The following LRRC31 variants were observed in gnomAD, a reference collection of about 807,000 sequenced individuals.
The protein encoded by LRRC31 is leucine-rich repeat-containing protein 31.
In LRRC31, 35 loss-of-function variants were observed where a neutral mutation model predicts 46.7. The observed-to-expected ratio is 0.75, with a 90% CI of 0.57 to 0.99. The LOEUF (loss-of-function observed/expected upper bound fraction) is 0.99. Among genes scored for constraint, LRRC31 ranks in the 50% least tolerant of loss-of-function variants. The pLI is 0.00. For synonymous variants in LRRC31, 236 were observed against 235.1 expected, an observed-to-expected ratio of 1.00 and a Z score of -0.03; for missense variants, 613 against 626.1, an observed-to-expected ratio of 0.98 and a Z score of 0.22.
At chr3:169,844,282 A>G (rs576792118) in intron 8 of LRRC31, among the ~76,000 whole-genome samples, 2 of 152,346 alleles carry the variant, frequency 1.3e-5, no homozygotes, top group East Asian at 3.9e-4. Flanking sequence ...CTGATTTAAC[A>G]TTAAAAAATC....
intron 7 of LRRC31, among the ~76,000 whole-genome samples, chr3:169,851,370 G>A (rs1009648598): frequency 2.0e-5 from 3 of 152,146 alleles, no homozygotes; most frequent in East Asian, 3.9e-4. Flanking sequence ...CCAAGGTCGC[G>A]CCACTGCACT....
chr3:169,848,286 A>G lies in LRRC31; in HGVS notation c.1161T>C (p.Ala387=), dbSNP rs1326259615. 2 of 1,613,622 alleles carry G rather than the reference A, an allele frequency of 1.2e-6. No homozygotes were observed. The highest frequency in any genetic ancestry group is 1.7e-5 in the Admixed American group (1 of 59,986). Residue 387 remains alanine, a splice_region_variant and synonymous_variant, in exon 8 of 9, where the codon GCT becomes GCC. Coordinates refer to ENST00000316428, the MANE Select transcript of LRRC31 (RefSeq NM_024727.4). ...GAGCAGAGAGGTGAACAGAGGCTTC[A>G]GCTAAAAGTGATAACAATACGAACA... is the stretch of plus-strand genomic sequence containing the variant. ...ALESETFTAL[A]EASVHLSALE...
rs1199904007 is a variant in LRRC31, at chr3:169,854,838, TAGTG to T, written c.962_965del (p.Ser321Ter). The stretch of plus-strand genomic sequence containing the variant: ...TCAGTGACATCACGTCATCTGCTGT[TAGTG>T]AGCACTGGTGAAGATCTAGGACTTG... On this transcript the variant is annotated frameshift_variant, in exon 6 of 9. Transcript: ENST00000316428. LOFTEE classifies it high-confidence loss of function. 3.7e-6 allele frequency: 6 copies of T among 1,613,546 alleles called. No homozygotes were observed. The highest frequency in any genetic ancestry group is 1.1e-5 in the South Asian group (1 of 91,038).
rs750392683 is a variant in LRRC31 at position 169,840,228 on chromosome 3, G to C, written c.1413C>G (p.Thr471=). 60 of 1,613,946 alleles carry C rather than the reference G, an allele frequency of 3.7e-5. No individual in the cohort carries two copies. Among genetic ancestry groups the C allele is most frequent in the Non-Finnish European group, 4.9e-5 (58 of 1,180,024 alleles). Residue 471 remains threonine, a synonymous_variant, in exon 9 of 9, where the codon ACC becomes ACG. Transcript: ENST00000316428. The part of the protein sequence containing the change: ...YNDSICDAGW[T]MFCQNVRFLK... ...GGAACCGCACGTTTTGGCAGAACAT[G>C]GTCCACCCCGCATCACAGATGCTGT...
chr3:169,846,485 A>G (rs1353967440), intron 8 of LRRC31, among the ~76,000 whole-genome samples: 1 of 152,186 alleles, frequency 6.6e-6, no homozygotes, highest in African/African-American at 2.4e-5. Flanking sequence ...CCCCGTCTCT[A>G]CCAAAAATAC....
At position 169,851,743 on chromosome 3, in the gene LRRC31, T is replaced by G. The variant is rs1159257303; in HGVS notation, c.1035A>C (p.Leu345Phe). ...AACTGCCCATCTTTTTGTTGGCTGA[T>G]AAATCCAATTCTTGAAGATTTGAAA... Reference protein sequence around the residue: ...PLLSNLQELDLSANKKMGSSS... With the variant: ...PLLSNLQELDFSANKKMGSSS... The change falls in exon 7 of 9, where the codon TTA becomes TTC. Residue 345 changes from leucine (L) to phenylalanine (F), a missense_variant. Coordinates refer to ENST00000316428, the MANE Select transcript of LRRC31 (RefSeq NM_024727.4). The G allele has an allele frequency of 3.1e-6, 5 of 1,614,068 alleles. No individual in the cohort carries two copies. The highest frequency in any genetic ancestry group is 3.3e-5 in the Admixed American group (2 of 60,002).
rs185512731 is a variant in LRRC31, at chr3:169,861,862, A to G, written c.176-49T>C. ...ATTTGCTGTTAATGATGGATGTATTAAAGATGCATAATGACCACAATCAGA... is the reference window on the plus strand; with the variant it reads ...ATTTGCTGTTAATGATGGATGTATTGAAGATGCATAATGACCACAATCAGA... On this transcript the variant is annotated intron_variant, in intron 1 of 8. Coordinates refer to ENST00000316428, the MANE Select transcript of LRRC31 (RefSeq NM_024727.4). 22 of 1,562,136 alleles carry G rather than the reference A, an allele frequency of 1.4e-5. No homozygotes were observed. The East Asian group carries it at 4.3e-4, about 30-fold the overall frequency.
At chr3:169,862,235 T>A (rs1325292678) in intron 1 of LRRC31, among the ~76,000 whole-genome samples, 1 of 152,176 alleles carries the variant, frequency 6.6e-6, no homozygotes, top group African/African-American at 2.4e-5. Flanking sequence ...AGGGAAAGCG[T>A]TGAAATCACC....
intron 1 of LRRC31, among the ~76,000 whole-genome samples, chr3:169,863,606 G>A (rs1320572375): frequency 6.6e-6 from 1 of 152,212 alleles, no homozygotes; most frequent in Non-Finnish European, 1.5e-5. Context: ...TCACCAGTAG[G>A]AGGCAGCAGC....
chr3:169,865,482 A>G (rs1244655477), intron 1 of LRRC31, among the ~76,000 whole-genome samples: 1 of 152,138 alleles, frequency 6.6e-6, no homozygotes, highest in Non-Finnish European at 1.5e-5. Context: ...TGCTCTCACT[A>G]AGTTCCTTTC....
intron 1 of LRRC31, among the ~76,000 whole-genome samples, chr3:169,863,551 A>T (rs1781237755): frequency 6.6e-6 from 1 of 152,334 alleles, no homozygotes; most frequent in East Asian, 1.9e-4. Flanking sequence ...AGAAAACCAC[A>T]CGTAGGATAC....
At chr3:169,867,476 C>A (rs1438992819) in intron 1 of LRRC31, among the ~76,000 whole-genome samples, 2 of 151,976 alleles carry the variant, frequency 1.3e-5, no homozygotes, top group Admixed American at 6.6e-5. Context: ...CCAGGATGGT[C>A]TCGATCTCCT....
intron 5 of LRRC31, among the ~76,000 whole-genome samples, chr3:169,855,423 C>T (rs1358442709): frequency 1.3e-5 from 2 of 152,122 alleles, no homozygotes. Flanking sequence ...CATGATTTCA[C>T]ACACACGCTT....
chr3:169,854,320 A>G (rs1332523983), intron 6 of LRRC31, among the ~76,000 whole-genome samples: 1 of 152,204 alleles, frequency 6.6e-6, no homozygotes, highest in Non-Finnish European at 1.5e-5. Flanking sequence ...ACATGTTGTA[A>G]TTACAGAACT....
chr3:169,859,029 G>T (rs1781060926), intron 3 of LRRC31, among the ~76,000 whole-genome samples: 1 of 134,872 alleles, frequency 7.4e-6, no homozygotes, highest in Non-Finnish European at 1.6e-5. Context: ...GGGGGGGGTG[G>T]GGGATGGGCA....
chr3:169,863,130 T>C (rs925313431), intron 1 of LRRC31, among the ~76,000 whole-genome samples: 1 of 151,824 alleles, frequency 6.6e-6, no homozygotes, highest in African/African-American at 2.4e-5. Flanking sequence ...GTGATCCACC[T>C]ACCCGGCCTC....
intron 8 of LRRC31, among the ~76,000 whole-genome samples, chr3:169,847,052 G>C (rs1205403787): frequency 1.3e-5 from 2 of 152,258 alleles, no homozygotes; most frequent in East Asian, 3.9e-4. Context: ...TGGGAGGCGC[G>C]CTCATTGCTT....
intron 3 of LRRC31, among the ~76,000 whole-genome samples, chr3:169,858,833 A>G (rs7647900): frequency 0.025 from 3,865 of 152,048 alleles, 143 homozygotes; most frequent in African/African-American, 0.087. Flanking sequence ...GTGAAACCCT[A>G]TCTCTACTAA....
At position 169,861,821 on chromosome 3, in the gene LRRC31, A is replaced by T; in HGVS notation, c.176-8T>A. ...CTGAACTGAGAGGCTTAGCTGTGTG[A>T]TAAGCATAAAAAAGAATTTGCTGTT... On this transcript the variant is annotated splice_region_variant and splice_polypyrimidine_tract_variant and intron_variant, in intron 1 of 8. Coordinates refer to ENST00000316428, the MANE Select transcript of LRRC31 (RefSeq NM_024727.4). 6.2e-7 allele frequency: 1 copy of T among 1,611,446 alleles called. No homozygotes were observed. Among genetic ancestry groups the T allele is most frequent in the South Asian group, 1.1e-5 (1 of 90,472 alleles).
Sources: gnomAD v4.1 joint callset for allele counts (sites outside exome capture counted in the v4.1 genomes callset) on GRCh38, gnomAD v4.1.1 for gene constraint, MANE v1.5 for transcripts, NCBI Gene and HGNC (gene_info 2026-07-23, HGNC 2026-07-21) for gene names.